PPIC: variants seen among roughly 807,000 people sequenced by gnomAD.
PPIC encodes peptidyl-prolyl cis-trans isomerase C.
In PPIC, 19 loss-of-function variants were observed where a neutral mutation model predicts 19.5. The ratio of observed to expected loss-of-function variants is 0.98; its 90% CI spans 0.68 to 1.43. The LOEUF (loss-of-function observed/expected upper bound fraction) is 1.43, where lower values mean the gene tolerates loss of function less well. Among genes scored for constraint, PPIC ranks in the 40% most tolerant of loss-of-function variants. The pLI, the probability that PPIC is intolerant of heterozygous loss-of-function variation, is 0.00. For missense variants in PPIC, 268 were observed against 268.6 expected, an observed-to-expected ratio of 1.00 and a Z score of 0.02; for synonymous variants, 107 against 101.2, an observed-to-expected ratio of 1.06 and a Z score of -0.34.
chr5:123,030,205 A>G (rs1159044842), intron 1 of PPIC, among the ~76,000 whole-genome samples: 1 of 152,228 alleles, frequency 6.6e-6, no homozygotes, highest in Non-Finnish European at 1.5e-5. Flanking sequence ...GCCAGGAGTG[A>G]GTGTGAATCC....
Position 123,031,130 on chromosome 5 carries a change from C to T in PPIC, c.118-1712G>A, listed in dbSNP as rs374194663. Among the ~76,000 whole-genome samples the T allele has an allele frequency of 2.0e-5, 3 of 152,314 alleles. No homozygotes were observed. The East Asian group carries it at 5.8e-4, about 29-fold the overall frequency. ...CTTCATGAGTGAGCATAAGAACACA[C>T]AGCAGGTTTTGCCAACTCTACTGGA... On this transcript the variant is annotated intron_variant, in intron 1 of 4. Coordinates refer to ENST00000306442, the MANE Select transcript of PPIC (RefSeq NM_000943.5).
At chr5:123,028,176 C>T (rs995509169) in intron 3 of PPIC, among the ~76,000 whole-genome samples, 1 of 152,222 alleles carries the variant, frequency 6.6e-6, no homozygotes, top group African/African-American at 2.4e-5. Flanking sequence ...CCAAGTAGAA[C>T]TCACTTTCTG....
At position 123,036,317 on chromosome 5, in the gene PPIC, G is replaced by GGGTCTCCCCCGGAGCGCC; in HGVS notation, c.117+174_117+191dup. 1 of 597,408 alleles carries GGGTCTCCCCCGGAGCGCC rather than the reference G, an allele frequency of 1.7e-6. No individual in the cohort carries two copies. Among genetic ancestry groups the GGGTCTCCCCCGGAGCGCC allele is most frequent in the Non-Finnish European group, 3.0e-6 (1 of 338,518 alleles). The allele number at this position is 597,408 out of a possible 1,614,324, so 37.0% of individuals were successfully genotyped here. A position where few individuals can be genotyped will look rare whatever the true frequency, so the allele number is the denominator to read the frequency against. On this transcript the variant is annotated intron_variant, in intron 1 of 4. Coordinates refer to ENST00000306442, the MANE Select transcript of PPIC (RefSeq NM_000943.5). The surrounding 1 kb of genome is among the most constrained non-coding windows in gnomAD (Gnocchi z 4.5). ...GGCTGGCCTCAGCCCAGCTCCCCCA[G>GGGTCTCCCCCGGAGCGCC]GGTCTCCCCCGGAGCGCCGGCCTCC...
At chr5:123,024,973 G>A (rs45441494) in intron 4 of PPIC, among the ~76,000 whole-genome samples, 158 of 152,226 alleles carry the variant, frequency 1.0e-3, no homozygotes, top group African/African-American at 3.5e-3. Flanking sequence ...GTGTTCCTAC[G>A]GGTTGTGAAT....
Position 123,029,272 on chromosome 5 carries a change from A to T in PPIC, c.231+33T>A, listed in dbSNP as rs765412346. Reference sequence around the variant, plus strand: ...TTATATTTGGCTTCAAAGAAAGAAGACCCAATTTAAAGGAAATAAAATTGA... The same window carrying T: ...TTATATTTGGCTTCAAAGAAAGAAGTCCCAATTTAAAGGAAATAAAATTGA... On this transcript the variant is annotated intron_variant, in intron 2 of 4. Coordinates refer to ENST00000306442, the MANE Select transcript of PPIC (RefSeq NM_000943.5). The T allele has an allele frequency of 5.0e-6, 8 of 1,614,038 alleles. 1 individual carries two copies. Among genetic ancestry groups the T allele is most frequent in the Non-Finnish European group, 6.8e-6 (8 of 1,179,952 alleles).
At chr5:123,033,021 G>T (rs1206455633) in intron 1 of PPIC, among the ~76,000 whole-genome samples, 1 of 152,184 alleles carries the variant, frequency 6.6e-6, no homozygotes, top group Non-Finnish European at 1.5e-5. Flanking sequence ...CATTTCCAAA[G>T]TAACTAGGGA....
chr5:123,028,992 C>G, intron 2 of PPIC, 124 bp from the exon 3 acceptor site: 2 of 879,210 alleles, frequency 2.3e-6, no homozygotes, highest in Non-Finnish European at 3.4e-6. Flanking sequence ...TTGATTCTAT[C>G]CCAGCTATGG....
chr5:123,033,476 C>T (rs1303503887), intron 1 of PPIC, among the ~76,000 whole-genome samples: 1 of 152,178 alleles, frequency 6.6e-6, no homozygotes, highest in Non-Finnish European at 1.5e-5. Flanking sequence ...GTGATCTGCA[C>T]CTGCCTGCTC....
chr5:123,036,115 C>G lies in PPIC; in HGVS notation c.117+394G>C, dbSNP rs146771672. Among the ~76,000 whole-genome samples, 7 of 152,236 alleles carry G rather than the reference C, an allele frequency of 4.6e-5. No homozygotes were observed. Among genetic ancestry groups the G allele is most frequent in the Middle Eastern group, 3.4e-3 (1 of 294 alleles). On this transcript the variant is annotated intron_variant, in intron 1 of 4. Transcript: ENST00000306442. The surrounding 1 kb of genome is among the most constrained non-coding windows in gnomAD (Gnocchi z 4.5). ...GCCTCTCCTGTGCGGGTCCCGCCCC[C>G]CTCCCCGCATTCCTCTCGTTCTGCT...
rs1406203141 is a variant in PPIC, at chr5:123,036,544, C to T, written c.82G>A (p.Gly28Ser). 3.1e-6 allele frequency: 5 copies of T among 1,605,150 alleles called. No homozygotes were observed. In the South Asian group the frequency reaches 3.4e-5, roughly 11 times the overall value. Residue 28 changes from glycine to serine, a missense_variant, in exon 1 of 5, where the codon GGC (glycine) becomes AGC (serine). Gly to Ser is a moderately conservative substitution (Grantham distance 56). Transcript: ENST00000306442. The surrounding 1 kb of genome is among the most constrained non-coding windows in gnomAD (Gnocchi z 4.5). ...GALVFSSGAEGFRKRGPSVTA... is the reference protein window; with the variant it reads ...GALVFSSGAESFRKRGPSVTA... ...ACCGAGGGGCCTCGCTTGCGGAAGC[C>T]CTCGGCCCCCGAAGAAAACACAAGT...
intron 1 of PPIC, among the ~76,000 whole-genome samples, chr5:123,033,943 A>G (rs753034993): frequency 8.5e-5 from 13 of 152,234 alleles, no homozygotes; most frequent in South Asian, 4.1e-4. Context: ...TTGGAGCCCA[A>G]TGAGCCAGAG....
In PPIC at chr5:123,036,681, C is replaced by G. The variant is rs544957487; in HGVS notation, c.-56G>C. Reference sequence around the variant, plus strand: ...GGGCGCTACCGGCACGGGCGCGACACAGGCTCTGGGACAGCTGACGGGACT... The same window carrying G: ...GGGCGCTACCGGCACGGGCGCGACAGAGGCTCTGGGACAGCTGACGGGACT... On this transcript the variant is annotated 5_prime_UTR_variant, in exon 1 of 5. Coordinates refer to ENST00000306442, the MANE Select transcript of PPIC (RefSeq NM_000943.5). The surrounding 1 kb of genome is among the most constrained non-coding windows in gnomAD (Gnocchi z 4.5). 1.2e-4 allele frequency: 180 copies of G among 1,459,956 alleles called. No individual in the cohort carries two copies. The highest frequency in any genetic ancestry group is 1.6e-4 in the Admixed American group (8 of 50,826). The allele number at this position is 1,459,956 out of a possible 1,614,324, so 90.4% of individuals were successfully genotyped here.
intron 3 of PPIC, among the ~76,000 whole-genome samples, chr5:123,026,578 G>A (rs1032519959): frequency 1.3e-5 from 2 of 152,188 alleles, no homozygotes; most frequent in Non-Finnish European, 2.9e-5. Flanking sequence ...TTCTAAAGCT[G>A]GTGCTTTTTC....
chr5:123,028,209 A>T (rs1455298613), intron 3 of PPIC, among the ~76,000 whole-genome samples: 1 of 152,252 alleles, frequency 6.6e-6, no homozygotes, highest in Non-Finnish European at 1.5e-5. Context: ...TTAGAACAGA[A>T]AAATGAAAAC....
intron 1 of PPIC, among the ~76,000 whole-genome samples, chr5:123,035,753 GT>G (rs1462378591): frequency 6.6e-6 from 1 of 152,152 alleles, no homozygotes. Flanking sequence ...TCTACCCTTG[GT>G]TAAATACGCT....
chr5:123,028,768 A>G lies in PPIC; in HGVS notation c.325+7T>C. 2 of 1,603,788 alleles carry G rather than the reference A, an allele frequency of 1.2e-6. No individual in the cohort carries two copies. The highest frequency in any genetic ancestry group is 2.2e-5 in the South Asian group (2 of 90,190). ...TAAATGGGAAAGGAAAAATGCAAAG[A>G]CGTTACCCCCAGTGCCATCTCCAGT... On this transcript the variant is annotated splice_region_variant and intron_variant, in intron 3 of 4. Transcript: ENST00000306442.
chr5:123,032,200 C>T (rs1321650516), intron 1 of PPIC, among the ~76,000 whole-genome samples: 2 of 152,176 alleles, frequency 1.3e-5, no homozygotes, highest in Non-Finnish European at 2.9e-5. Context: ...GGGTAACCCA[C>T]ATCATCTTAT....
intron 4 of PPIC, 77 bp from the exon 5 acceptor site, chr5:123,024,080 C>T (rs1762813937): frequency 1.3e-5 from 19 of 1,505,980 alleles, no homozygotes; most frequent in Non-Finnish European, 1.7e-5. Flanking sequence ...CCAAAGCCAA[C>T]TCCAAAAGCC....
intron 4 of PPIC, 39 bp downstream of exon 4, chr5:123,025,745 A>T (rs896270037): frequency 1.3e-6 from 2 of 1,576,258 alleles, no homozygotes; most frequent in Non-Finnish European, 1.7e-6. Context: ...TCTCAATAAA[A>T]ATATAAAGCT....
Sources: allele counts gnomAD v4.1 joint callset (sites outside exome capture counted in the v4.1 genomes callset), GRCh38; gene constraint gnomAD v4.1.1; non-coding constraint Gnocchi (gnomAD v3.1); transcripts MANE v1.5; gene names NCBI Gene and HGNC (gene_info 2026-07-23, HGNC 2026-07-21).